AGAP1: variants seen among roughly 807,000 people sequenced by gnomAD.
AGAP1 encodes arf-GAP with GTPase, ANK repeat and PH domain-containing protein 1.
A neutral mutation model predicts 105.3 loss-of-function variants in AGAP1; 29 were observed. That is an observed-to-expected ratio of 0.28 (90% CI 0.21 to 0.38). The LOEUF (loss-of-function observed/expected upper bound fraction) is 0.38. Ranked by LOEUF, AGAP1 falls within the 10% of genes least tolerant of loss-of-function variation. The pLI, the probability that AGAP1 is intolerant of heterozygous loss-of-function variation, is 1.00. For missense variants in AGAP1, 998 were observed against 1,165.1 expected (o/e 0.86, Z 2.09); for synonymous variants, 509 against 485.9 (o/e 1.05, Z -0.63).
intron 1 of AGAP1, among the ~76,000 whole-genome samples, chr2:235,643,987 C>G (rs1310015172): frequency 6.6e-6 from 1 of 152,164 alleles, no homozygotes; most frequent in African/African-American, 2.4e-5. Context: ...TGCCTTTGCT[C>G]TGTGCCTCTG....
intron 12 of AGAP1, among the ~76,000 whole-genome samples, chr2:235,938,984 G>A (rs73996636): frequency 6.6e-6 from 1 of 152,164 alleles, no homozygotes; most frequent in South Asian, 2.1e-4. Context: ...TGTCCCCCAG[G>A]GGTTTCAGAT....
intron 12 of AGAP1, among the ~76,000 whole-genome samples, chr2:235,954,738 C>A (rs888745781): frequency 6.6e-6 from 1 of 151,798 alleles, no homozygotes; most frequent in African/African-American, 2.4e-5. Flanking sequence ...CTTGTCATCC[C>A]TCCTCGTGGT....
chr2:236,114,063 G>A lies in AGAP1; in HGVS notation c.2115-6129G>A, dbSNP rs2059713511. On this transcript the variant is annotated intron_variant, in intron 16 of 17. Transcript: ENST00000304032. The surrounding 1 kb of genome is among the most constrained non-coding windows in gnomAD (Gnocchi z 5.0). ...AAGGTGTGTCAGCACCACATCAAAT[G>A]AGGAACTGGGCCCCCTCCTTTCTGC... is the stretch of plus-strand genomic sequence containing the variant. Among the ~76,000 whole-genome samples the A allele has an allele frequency of 6.6e-6, 1 of 152,104 alleles. No individual in the cohort carries two copies. The highest frequency in any genetic ancestry group is 1.5e-5 in the Non-Finnish European group (1 of 68,036).
chr2:236,005,839 A>G lies in AGAP1; in HGVS notation c.1646-30722A>G, dbSNP rs191864368. Among the ~76,000 whole-genome samples the G allele has an allele frequency of 9.2e-5, 14 of 152,284 alleles. No homozygotes were observed. The highest frequency in any genetic ancestry group is 3.4e-4 in the African/African-American group (14 of 41,564). ...AGGGTATATACCATCAACTTTATTTATGGCTGCTGATGTTGACCTTGATCC... is the reference window on the plus strand; with the variant it reads ...AGGGTATATACCATCAACTTTATTTGTGGCTGCTGATGTTGACCTTGATCC... On this transcript the variant is annotated intron_variant, in intron 13 of 17. Transcript: ENST00000304032. The surrounding 1 kb of genome is among the most constrained non-coding windows in gnomAD (Gnocchi z 4.1).
chr2:235,518,184 A>G (rs773679531), intron 1 of AGAP1, among the ~76,000 whole-genome samples: 26 of 152,132 alleles, frequency 1.7e-4, no homozygotes, highest in Admixed American at 7.9e-4. Context: ...CATTGGTTTC[A>G]CTGTGTTGTT....
intron 6 of AGAP1, among the ~76,000 whole-genome samples, chr2:235,770,117 TTTTC>T (rs1001717953): frequency 3.6e-5 from 5 of 140,694 alleles, no homozygotes; most frequent in South Asian, 2.1e-4. Context: ...ACACACATTT[TTTTC>T]TTTCTTTGTT....
chr2:235,518,502 T>C, intron 1 of AGAP1, among the ~76,000 whole-genome samples: 1 of 152,184 alleles, frequency 6.6e-6, no homozygotes, highest in Non-Finnish European at 1.5e-5. Flanking sequence ...ATTCCTTGGA[T>C]TTCCTCTGTT....
At chr2:235,628,525 C>T (rs1003330431) in intron 1 of AGAP1, among the ~76,000 whole-genome samples, 12 of 152,030 alleles carry the variant, frequency 7.9e-5, no homozygotes, top group African/African-American at 2.4e-4. Flanking sequence ...TGGAAGTGCC[C>T]GGTTCTGGAA....
intron 1 of AGAP1, chr2:235,670,448 C>G: frequency 1.8e-6 from 1 of 544,458 alleles, no homozygotes; most frequent in Non-Finnish European, 3.3e-6. Context: ...CGGCCTGGAA[C>G]CCGCGGACCT....
rs185776788 is a variant in AGAP1, at chr2:235,499,105, T to G, written c.163+4256T>G. On this transcript the variant is annotated intron_variant, in intron 1 of 17. Coordinates refer to ENST00000304032, the MANE Select transcript of AGAP1 (RefSeq NM_001037131.3). ...AGACGCACTGCTGAGGCCAGAAAGC[T>G]TAGGACACTTGTGCGAGAGCGGTGA... Among the ~76,000 whole-genome samples the G allele has an allele frequency of 1.2e-4, 19 of 152,282 alleles. No individual in the cohort carries two copies. The East Asian group carries it at 3.5e-3, about 28-fold the overall frequency.
intron 1 of AGAP1, among the ~76,000 whole-genome samples, chr2:235,647,979 G>A (rs953470201): frequency 6.6e-6 from 1 of 152,168 alleles, no homozygotes; most frequent in Non-Finnish European, 1.5e-5. Flanking sequence ...GAGCTCAGGA[G>A]TACTGGGGTG....
rs556331544 is a variant in AGAP1, at chr2:236,083,582, A to G, written c.2114+34301A>G. 6.6e-6 allele frequency among the ~76,000 whole-genome samples: 1 copy of G among 152,330 alleles called. No homozygotes were observed. The highest frequency in any genetic ancestry group is 1.9e-4 in the East Asian group (1 of 5,188). On this transcript the variant is annotated intron_variant, in intron 16 of 17. Transcript: ENST00000304032. This position sits in a 1 kb window ranked among gnomAD's most constrained non-coding sequence, Gnocchi z 5.3. The stretch of plus-strand genomic sequence containing the variant: ...TATAAATGTGTGCATGCTCACACCC[A>G]TGCCTACATTAGAAAGAGAAGTACC...
Position 235,712,304 on chromosome 2 carries a change from C to T in AGAP1, c.222+3067C>T, listed in dbSNP as rs970633268. On this transcript the variant is annotated intron_variant, in intron 2 of 17. Coordinates refer to ENST00000304032, the MANE Select transcript of AGAP1 (RefSeq NM_001037131.3). The surrounding 1 kb of genome is among the most constrained non-coding windows in gnomAD (Gnocchi z 6.0). ...AAGTGCTGGGATGACAGGCCTGAGC[C>T]ACTGCGCCCGGCCTGATGTTTTCTG... Among the ~76,000 whole-genome samples, 2 of 152,268 alleles carry T rather than the reference C, an allele frequency of 1.3e-5. No individual in the cohort carries two copies. The highest frequency in any genetic ancestry group is 2.9e-5 in the Non-Finnish European group (2 of 68,056).
rs978291128 is a variant in AGAP1, at chr2:235,600,051, G to A, written c.163+105202G>A. Among the ~76,000 whole-genome samples the A allele has an allele frequency of 5.9e-5, 9 of 152,162 alleles. No individual in the cohort carries two copies. The highest frequency in any genetic ancestry group is 1.3e-4 in the Admixed American group (2 of 15,270). ...AAACTTCAGGGTGTCAACTTCAGGG[G>A]AATATAAACAGCCTCCAGGGAGCCC... is the stretch of plus-strand genomic sequence containing the variant. On this transcript the variant is annotated intron_variant, in intron 1 of 17. Transcript: ENST00000304032. The surrounding 1 kb of genome is among the most constrained non-coding windows in gnomAD (Gnocchi z 4.8).
chr2:235,908,408 ATGTACCCTCTGAT>A lies in AGAP1; in HGVS notation c.1156-329_1156-317del, dbSNP rs1246194680. ...ACTTGGAATTTATAGGAGGAGCCTA[ATGTACCCTCTGAT>A]AAGCAAGAGTTCAAAAAATCAGATT... On this transcript the variant is annotated intron_variant, in intron 10 of 17. Coordinates refer to ENST00000304032, the MANE Select transcript of AGAP1 (RefSeq NM_001037131.3). This position sits in a 1 kb window ranked among gnomAD's most constrained non-coding sequence, Gnocchi z 4.4. Among the ~76,000 whole-genome samples the A allele has an allele frequency of 6.6e-6, 1 of 152,208 alleles. No homozygotes were observed. The highest frequency in any genetic ancestry group is 1.5e-5 in the Non-Finnish European group (1 of 68,040).
intron 1 of AGAP1, among the ~76,000 whole-genome samples, chr2:235,707,467 CCATGA>C: frequency 9.1e-5 from 7 of 77,236 alleles, no homozygotes; most frequent in African/African-American, 2.6e-4. Context: ...GTTGCCCTCC[CCATGA>C]CCCCCCCCCC....
rs576344472 is a variant in AGAP1 at position 235,970,420 on chromosome 2, C to T, written c.1645+1797C>T. On this transcript the variant is annotated intron_variant, in intron 13 of 17. Transcript: ENST00000304032. The surrounding 1 kb of genome is among the most constrained non-coding windows in gnomAD (Gnocchi z 5.4). ...TGGGCAAAAATCACCCTGCCAAGCA[C>T]GTGCAGCCACCCCTCCCTGATTGGG... Among the ~76,000 whole-genome samples, 5 of 152,244 alleles carry T rather than the reference C, an allele frequency of 3.3e-5. No individual in the cohort carries two copies. In the East Asian group the frequency reaches 7.8e-4, roughly 24 times the overall value.
chr2:235,830,627 A>C lies in AGAP1; in HGVS notation c.1050+23296A>C. Among the ~76,000 whole-genome samples the C allele has an allele frequency of 1.5e-5, 2 of 131,530 alleles. No individual in the cohort carries two copies. The highest frequency in any genetic ancestry group is 2.9e-5 in the African/African-American group (1 of 34,364). The allele number at this position is 131,530 out of a possible 152,430, so 86.3% of individuals were successfully genotyped here. ...GGCTTGGAGTTTATTTGTTGGGGGA[A>C]GCAATGTTGGTAGGGGGTGGGGGTT... is the stretch of plus-strand genomic sequence containing the variant. On this transcript the variant is annotated intron_variant, in intron 9 of 17. Transcript: ENST00000304032. This position sits in a 1 kb window ranked among gnomAD's most constrained non-coding sequence, Gnocchi z 5.5.
chr2:235,969,315 C>T (rs531613659), intron 13 of AGAP1, among the ~76,000 whole-genome samples: 1 of 150,490 alleles, frequency 6.6e-6, no homozygotes, highest in Non-Finnish European at 1.5e-5. Context: ...CGTACACACA[C>T]ACATACACAC....
Sources: allele counts gnomAD v4.1 joint callset (sites outside exome capture counted in the v4.1 genomes callset), GRCh38; gene constraint gnomAD v4.1.1; non-coding constraint Gnocchi (gnomAD v3.1); transcripts MANE v1.5; gene names NCBI Gene and HGNC (gene_info 2026-07-23, HGNC 2026-07-21).